The following DCC variants were observed in gnomAD, a reference collection of about 807,000 sequenced individuals.
DCC encodes DCC netrin 1 receptor.
In DCC, 58 loss-of-function variants were observed where a neutral mutation model predicts 172.5. The observed-to-expected ratio is 0.34, with a 90% CI of 0.27 to 0.42. DCC has a LOEUF of 0.42. Ranked by LOEUF, DCC falls within the 10% of genes least tolerant of loss-of-function variation. The pLI is 1.00. For synonymous variants in DCC, 709 were observed against 644.5 expected, an observed-to-expected ratio of 1.10 and a Z score of -1.52; for missense variants, 1,740 against 1,791.0, an observed-to-expected ratio of 0.97 and a Z score of 0.51.
At chr18:52,747,635 A>G (rs1297966788) in intron 1 of DCC, among the ~76,000 whole-genome samples, 1 of 152,114 alleles carries the variant, frequency 6.6e-6, no homozygotes, top group Non-Finnish European at 1.5e-5. Flanking sequence ...TGTCTTCTTC[A>G]GTTTTATCAT....
intron 14 of DCC, among the ~76,000 whole-genome samples, chr18:53,337,285 A>G (rs1427256558): frequency 6.6e-6 from 1 of 152,234 alleles, no homozygotes; most frequent in East Asian, 1.9e-4. Context: ...ATAAATGCAG[A>G]AGATCTAGTT....
chr18:53,499,257 T>C, intron 26 of DCC, 41 bp from the exon 27 acceptor site: 1 of 1,603,276 alleles, frequency 6.2e-7, no homozygotes, highest in East Asian at 2.2e-5. Context: ...AAACAGACTT[T>C]GTCCAGGAAT....
Position 53,336,489 on chromosome 18 carries a change from G to A in DCC, c.2165-3224G>A, listed in dbSNP as rs187787017. ...TCATGATGATGAGGCCATATATTATGAATGGCTTAGGTCTAATACTACCTT... is the reference window on the plus strand; with the variant it reads ...TCATGATGATGAGGCCATATATTATAAATGGCTTAGGTCTAATACTACCTT... On this transcript the variant is annotated intron_variant, in intron 14 of 28. Transcript: ENST00000442544. Among the ~76,000 whole-genome samples the A allele has an allele frequency of 1.4e-4, 21 of 152,258 alleles. No homozygotes were observed. In the East Asian group the frequency reaches 4.1e-3, roughly 29 times the overall value.
chr18:52,394,892 G>A (rs1007414139), intron 1 of DCC, among the ~76,000 whole-genome samples: 1 of 152,074 alleles, frequency 6.6e-6, no homozygotes, highest in African/African-American at 2.4e-5. Flanking sequence ...AATAGTTAAT[G>A]AAAGACTTTG....
At chr18:53,390,262 T>C (rs1357995291) in intron 16 of DCC, among the ~76,000 whole-genome samples, 2 of 122,230 alleles carry the variant, frequency 1.6e-5, no homozygotes, top group Non-Finnish European at 4.1e-5. Context: ...TCTCTCTCTC[T>C]CTCCTTTTAT....
intron 1 of DCC, among the ~76,000 whole-genome samples, chr18:52,606,588 C>A (rs888948849): frequency 2.0e-5 from 3 of 152,026 alleles, no homozygotes; most frequent in Admixed American, 2.0e-4. Flanking sequence ...AGATAAAGAT[C>A]GCTATGAACT....
chr18:52,600,670 T>A (rs2033998258), intron 1 of DCC, among the ~76,000 whole-genome samples: 1 of 152,174 alleles, frequency 6.6e-6, no homozygotes, highest in South Asian at 2.1e-4. Context: ...TCTTCTTTAA[T>A]CACTTTCAAT....
intron 1 of DCC, among the ~76,000 whole-genome samples, chr18:52,446,647 G>A (rs1157278150): frequency 1.3e-5 from 2 of 152,186 alleles, no homozygotes; most frequent in African/African-American, 4.8e-5. Context: ...ATGTATCAAT[G>A]GTAATGTCAT....
At chr18:53,000,653 T>TCAGTCAGAGC (rs1261801014) in intron 5 of DCC, among the ~76,000 whole-genome samples, 1 of 135,786 alleles carries the variant, frequency 7.4e-6, no homozygotes, top group African/African-American at 2.7e-5. Flanking sequence ...GGACAGGAAC[T>TCAGTCAGAGC]CAGTCAGAGC....
intron 1 of DCC, among the ~76,000 whole-genome samples, chr18:52,520,789 T>A (rs1171793435): frequency 6.6e-6 from 1 of 152,196 alleles, no homozygotes; most frequent in Non-Finnish European, 1.5e-5. Flanking sequence ...AAGTATTCTT[T>A]CCATTTTATA....
At chr18:53,224,721 G>A (rs934036572) in intron 12 of DCC, among the ~76,000 whole-genome samples, 2 of 152,140 alleles carry the variant, frequency 1.3e-5, no homozygotes, top group African/African-American at 4.8e-5. Flanking sequence ...CAAGATCAAG[G>A]ATATAGAGTA....
intron 1 of DCC, among the ~76,000 whole-genome samples, chr18:52,443,573 G>A (rs1024581220): frequency 6.6e-6 from 1 of 152,138 alleles, no homozygotes; most frequent in Non-Finnish European, 1.5e-5. Context: ...GACATTCTAG[G>A]CAGAAAGAAC....
rs1286657503 is a variant in DCC, at chr18:52,610,196, T to A, written c.92-141858T>A. Among the ~76,000 whole-genome samples, 36 of 28,140 alleles carry A rather than the reference T, an allele frequency of 1.3e-3. 1 individual carries two copies. The highest frequency in any genetic ancestry group is 2.2e-3 in the Non-Finnish European group (32 of 14,402). 18.5% of individuals were successfully genotyped at this position (28,140 alleles called of 152,430 possible). On this transcript the variant is annotated intron_variant, in intron 1 of 28. Coordinates refer to ENST00000442544, the MANE Select transcript of DCC (RefSeq NM_005215.4). ...AAAAAAAAATATATATATATATATA[T>A]ATATATATATATATATATATATATA...
At chr18:52,671,715 T>G (rs1340514325) in intron 1 of DCC, among the ~76,000 whole-genome samples, 1 of 151,758 alleles carries the variant, frequency 6.6e-6, no homozygotes, top group Non-Finnish European at 1.5e-5. Flanking sequence ...AATTTTTGTA[T>G]TTTTAGTAGA....
chr18:52,625,240 A>C (rs1204808660), intron 1 of DCC, among the ~76,000 whole-genome samples: 1 of 152,170 alleles, frequency 6.6e-6, no homozygotes, highest in Non-Finnish European at 1.5e-5. Flanking sequence ...ACATTATGTA[A>C]ATTTAGAGAA....
At chr18:53,517,778 A>G (rs1010265430) in intron 27 of DCC, among the ~76,000 whole-genome samples, 1 of 152,252 alleles carries the variant, frequency 6.6e-6, no homozygotes, top group East Asian at 1.9e-4. Flanking sequence ...TCTCCCCAGA[A>G]GTGGCATTTA....
chr18:53,063,403 G>A lies in DCC; in HGVS notation c.1084G>A (p.Val362Met), dbSNP rs2144080946. 6.2e-7 allele frequency: 1 copy of A among 1,612,286 alleles called. No homozygotes were observed. The highest frequency in any genetic ancestry group is 8.5e-7 in the Non-Finnish European group (1 of 1,178,574). The change falls in exon 6 of 29, where the codon GTG becomes ATG. Residue 362 changes from valine (V) to methionine (M), a missense_variant. By Grantham distance (21) the Val-to-Met change is conservative. This residue lies in a region of DCC where 1,732 missense variants were observed against 1,767.4 expected (regional missense o/e 0.98). Coordinates refer to ENST00000442544, the MANE Select transcript of DCC (RefSeq NM_005215.4). ...CTVSGKPVPT[V>M]NWMKNGDVVI... Reference sequence around the variant, plus strand: ...AGTCTCTGGAAAGCCTGTGCCCACTGTGAATTGGATGAAGAATGGAGATGT... The same window carrying A: ...AGTCTCTGGAAAGCCTGTGCCCACTATGAATTGGATGAAGAATGGAGATGT...
At position 52,859,281 on chromosome 18, in the gene DCC, T is replaced by C. The variant is rs79783601; in HGVS notation, c.413-46763T>C. On this transcript the variant is annotated intron_variant, in intron 2 of 28. Transcript: ENST00000442544. ...TTGAGGACTAATGGTGGATTGATCC[T>C]GTAGAGGCCAGGGGAAGACTTTCTC... is the stretch of plus-strand genomic sequence containing the variant. Among the ~76,000 whole-genome samples, 19 of 152,316 alleles carry C rather than the reference T, an allele frequency of 1.2e-4. No individual in the cohort carries two copies. The East Asian group carries it at 3.5e-3, about 28-fold the overall frequency.
chr18:52,543,911 T>C (rs2032537110), intron 1 of DCC, among the ~76,000 whole-genome samples: 1 of 152,220 alleles, frequency 6.6e-6, no homozygotes, highest in Admixed American at 6.5e-5. Flanking sequence ...TCAACAATGA[T>C]ACTGCAACTT....
Sources: allele counts gnomAD v4.1 joint callset (sites outside exome capture counted in the v4.1 genomes callset), GRCh38; gene constraint gnomAD v4.1.1; regional missense constraint gnomAD v4.1.1; transcripts MANE v1.5; gene names NCBI Gene and HGNC (gene_info 2026-07-23, HGNC 2026-07-21).